Variants in GALNT13 observed in about 807,000 individuals in gnomAD.
GALNT13 encodes polypeptide N-acetylgalactosaminyltransferase 13, also known as UDP-GalNAc:polypeptide N-acetylgalactosaminyltransferase 13.
Under a neutral mutation model 64.2 loss-of-function variants are expected in GALNT13, and 28 were observed. That is an observed-to-expected ratio of 0.44 (90% confidence interval 0.32 to 0.60). The LOEUF (loss-of-function observed/expected upper bound fraction) is 0.60, where lower values mean the gene tolerates loss of function less well. Ranked by LOEUF, GALNT13 falls within the 20% of genes least tolerant of loss-of-function variation. The pLI is 0.05. For synonymous variants in GALNT13, 214 were observed against 224.6 expected, an observed-to-expected ratio of 0.95 and a Z score of 0.42; for missense variants, 577 against 669.8, an observed-to-expected ratio of 0.86 and a Z score of 1.53.
chr2:154,162,070 C>T (rs975286765), intron 4 of GALNT13, among the ~76,000 whole-genome samples: 1 of 152,100 alleles, frequency 6.6e-6, no homozygotes, highest in Non-Finnish European at 1.5e-5. Context: ...CTTGAGCCAC[C>T]GTGCCAGGCA....
chr2:153,162,018 G>A, the GALNT13 span, among the ~76,000 whole-genome samples: 2 of 152,152 alleles, frequency 1.3e-5, no homozygotes, highest in African/African-American at 2.4e-5. Context: ...GTTTGTAGTT[G>A]GTTTTTGCTA....
the GALNT13 span, among the ~76,000 whole-genome samples, chr2:153,324,715 C>T: frequency 6.6e-6 from 1 of 152,094 alleles, no homozygotes; most frequent in Non-Finnish European, 1.5e-5. Flanking sequence ...TTATCGAAGG[C>T]CTTTTCTGCA....
chr2:153,720,185 C>T, the GALNT13 span, among the ~76,000 whole-genome samples: 5 of 145,762 alleles, frequency 3.4e-5, no homozygotes, highest in Admixed American at 3.4e-4. Context: ...TGGGAGGCAC[C>T]CCCCAGCAGG....
At chr2:153,855,608 G>T in the GALNT13 span, among the ~76,000 whole-genome samples, 1 of 152,172 alleles carries the variant, frequency 6.6e-6, no homozygotes, top group Non-Finnish European at 1.5e-5. Context: ...AGGATGTAGA[G>T]AAATTGTAAA....
At chr2:153,675,289 A>G in the GALNT13 span, among the ~76,000 whole-genome samples, 2 of 152,236 alleles carry the variant, frequency 1.3e-5, no homozygotes, top group Admixed American at 1.3e-4. Flanking sequence ...AAGACTTGGA[A>G]CCAACCCAGA....
At chr2:153,552,404 T>G in the GALNT13 span, among the ~76,000 whole-genome samples, 1 of 152,124 alleles carries the variant, frequency 6.6e-6, no homozygotes, top group Non-Finnish European at 1.5e-5. Context: ...GACGATGTTC[T>G]TGAGCAGGGG....
intron 4 of GALNT13, among the ~76,000 whole-genome samples, chr2:154,212,666 C>T (rs1687842399): frequency 6.6e-6 from 1 of 151,888 alleles, no homozygotes; most frequent in Non-Finnish European, 1.5e-5. Flanking sequence ...TTCTCTTCTC[C>T]TCCCACTTTC....
the GALNT13 span, among the ~76,000 whole-genome samples, chr2:153,164,358 T>C: frequency 2.6e-5 from 4 of 152,222 alleles, no homozygotes; most frequent in Non-Finnish European, 5.9e-5. Context: ...TACACACATC[T>C]GTGTTTTGCT....
At chr2:154,290,824 A>G (rs1692573184) in intron 8 of GALNT13, among the ~76,000 whole-genome samples, 1 of 151,934 alleles carries the variant, frequency 6.6e-6, no homozygotes, top group Non-Finnish European at 1.5e-5. Flanking sequence ...TGGTGCGTTC[A>G]TGGTCTCACT....
the GALNT13 span, among the ~76,000 whole-genome samples, chr2:153,483,052 T>G: frequency 6.6e-6 from 1 of 152,192 alleles, no homozygotes; most frequent in Non-Finnish European, 1.5e-5. Flanking sequence ...GATTTCCATA[T>G]AAAATGGTTG....
chr2:153,909,425 A>C lies in GALNT13; in HGVS notation c.-105+8418A>C, dbSNP rs372397421. ...CTTTCTTTCTGTATGTATATGCTTT[A>C]TTTCTTTCTCTTGATGGATCTCTGT... On this transcript the variant is annotated intron_variant, in intron 2 of 12. Coordinates refer to ENST00000392825, the MANE Select transcript of GALNT13 (RefSeq NM_052917.4). 2.6e-4 allele frequency among the ~76,000 whole-genome samples: 40 copies of C among 152,008 alleles called. No individual in the cohort carries two copies. The East Asian group carries it at 6.2e-3, about 24-fold the overall frequency.
At chr2:153,614,699 T>A in the GALNT13 span, among the ~76,000 whole-genome samples, 1 of 152,260 alleles carries the variant, frequency 6.6e-6, no homozygotes, top group Middle Eastern at 3.4e-3. Context: ...TTGCTATTAA[T>A]CCATGAGACA....
At chr2:153,688,530 C>T in the GALNT13 span, among the ~76,000 whole-genome samples, 1 of 151,936 alleles carries the variant, frequency 6.6e-6, no homozygotes, top group African/African-American at 2.4e-5. Context: ...ACTTAGTGAA[C>T]ATATCTGTAT....
chr2:154,172,713 TGGG>T (rs1685430775), intron 4 of GALNT13, among the ~76,000 whole-genome samples: 1 of 151,836 alleles, frequency 6.6e-6, no homozygotes, highest in African/African-American at 2.4e-5. Flanking sequence ...TATCTGTTGA[TGGG>T]CACTTACATT....
chr2:153,197,743 AGTTTCTATCTGTG>A, the GALNT13 span, among the ~76,000 whole-genome samples: 32 of 152,290 alleles, frequency 2.1e-4, no homozygotes, highest in African/African-American at 7.2e-4. Flanking sequence ...GGGAGGACAG[AGTTTCTATCTGTG>A]GTAGCCACCC....
intron 3 of GALNT13, among the ~76,000 whole-genome samples, chr2:154,010,871 C>A (rs1215753818): frequency 6.6e-6 from 1 of 151,682 alleles, no homozygotes; most frequent in African/African-American, 2.4e-5. Flanking sequence ...TAGTTTGCAT[C>A]TATAGAAGTA....
At chr2:154,306,648 G>A (rs974396411) in intron 9 of GALNT13, among the ~76,000 whole-genome samples, 1 of 149,608 alleles carries the variant, frequency 6.7e-6, no homozygotes, top group Non-Finnish European at 1.5e-5. Context: ...GGGGAGTGCT[G>A]ATTAGTCAGA....
At chr2:153,798,127 T>C in the GALNT13 span, among the ~76,000 whole-genome samples, 3 of 152,320 alleles carry the variant, frequency 2.0e-5, no homozygotes, top group East Asian at 3.9e-4. Context: ...CCCTATTTGA[T>C]TGAAGTCAAC....
the GALNT13 span, among the ~76,000 whole-genome samples, chr2:153,745,822 A>T: frequency 1.3e-5 from 2 of 152,084 alleles, no homozygotes; most frequent in African/African-American, 2.4e-5. Context: ...CTGGATAATC[A>T]AGCGATTGTC....
Sources: allele counts gnomAD v4.1 joint callset (sites outside exome capture counted in the v4.1 genomes callset), GRCh38; gene constraint gnomAD v4.1.1; transcripts MANE v1.5; gene names NCBI Gene and HGNC (gene_info 2026-07-23, HGNC 2026-07-21).